Variants in BLTP1 observed in about 807,000 individuals in gnomAD.
BLTP1 encodes fragile site-associated protein.
At chr4:122,253,487 T>TG in the BLTP1 span, among the ~76,000 whole-genome samples, 1 of 152,164 alleles carries the variant, frequency 6.6e-6, no homozygotes, top group South Asian at 2.1e-4. Flanking sequence ...ATTCTAGAGT[T>TG]GAAAAATCCA....
At chr4:122,271,009 C>A in the BLTP1 span, 1 of 1,553,792 alleles carries the variant, frequency 6.4e-7, no homozygotes, top group Non-Finnish European at 8.7e-7. Context: ...TTTTATTTCA[C>A]GTTTTTAGGC....
the BLTP1 span, chr4:122,223,206 A>T: frequency 1.4e-4 from 134 of 939,650 alleles, no homozygotes; most frequent in Non-Finnish European, 1.6e-4. Context: ...GAATTTTTTT[A>T]AAAAAAGTTT....
chr4:122,349,115 C>T, the BLTP1 span: 3 of 1,493,864 alleles, frequency 2.0e-6, no homozygotes, highest in Non-Finnish European at 2.7e-6. This position sits in a 1 kb window ranked among gnomAD's most constrained non-coding sequence, Gnocchi z 4.5. Context: ...TAATTCATGA[C>T]ACTGGAAGCT....
chr4:122,254,374 T>A, the BLTP1 span: 1 of 1,496,710 alleles, frequency 6.7e-7, no homozygotes, highest in Non-Finnish European at 9.3e-7. Flanking sequence ...TATAGTAGTA[T>A]CGCTTGATGT....
chr4:122,191,661 A>G, the BLTP1 span, among the ~76,000 whole-genome samples: 1 of 152,170 alleles, frequency 6.6e-6, no homozygotes. Flanking sequence ...AACCTTTAAG[A>G]AATTTCCATT....
At chr4:122,214,490 T>C in the BLTP1 span, 1 of 938,348 alleles carries the variant, frequency 1.1e-6, no homozygotes, top group Non-Finnish European at 1.3e-6. Flanking sequence ...GTTTTATTTG[T>C]ATTTGTAAAT....
the BLTP1 span, among the ~76,000 whole-genome samples, chr4:122,160,513 T>C: frequency 6.6e-6 from 1 of 152,220 alleles, no homozygotes; most frequent in African/African-American, 2.4e-5. Flanking sequence ...AGGTATTCAA[T>C]TGCAGTAGAC....
chr4:122,227,343 G>A, the BLTP1 span: 1 of 985,632 alleles, frequency 1.0e-6, no homozygotes. Context: ...TCTTCACAAG[G>A]GTTGCAAAAA....
the BLTP1 span, chr4:122,289,271 T>G: frequency 9.8e-7 from 1 of 1,017,884 alleles, no homozygotes; most frequent in South Asian, 1.9e-5. Flanking sequence ...ATATCTGTGG[T>G]ATAAGTATTG....
chr4:122,305,622 G>T, the BLTP1 span: 1 of 967,574 alleles, frequency 1.0e-6, no homozygotes, highest in Non-Finnish European at 1.2e-6. Context: ...TTAATACATT[G>T]CCATTTAGAA....
the BLTP1 span, among the ~76,000 whole-genome samples, chr4:122,245,310 T>A: frequency 6.6e-6 from 1 of 152,168 alleles, no homozygotes; most frequent in Non-Finnish European, 1.5e-5. Context: ...AACTGTACTA[T>A]AGATGGAATA....
chr4:122,154,528 C>G, the BLTP1 span: 7 of 965,640 alleles, frequency 7.2e-6, no homozygotes, highest in Non-Finnish European at 8.6e-6. Context: ...ATTCTGTTCT[C>G]TCTTTTGCTT....
At chr4:122,339,692 T>C in the BLTP1 span, among the ~76,000 whole-genome samples, 7 of 152,162 alleles carry the variant, frequency 4.6e-5, no homozygotes, top group African/African-American at 1.7e-4. Flanking sequence ...ACATAACTAC[T>C]ATATAATAAT....
chr4:122,167,403 G>T, the BLTP1 span, among the ~76,000 whole-genome samples: 3 of 152,072 alleles, frequency 2.0e-5, no homozygotes, highest in Non-Finnish European at 4.4e-5. Context: ...CTCCTGCATG[G>T]AAACCCTACT....
chr4:122,161,731 T>C, the BLTP1 span, among the ~76,000 whole-genome samples: 4 of 152,176 alleles, frequency 2.6e-5, no homozygotes, highest in East Asian at 7.7e-4. Flanking sequence ...AACCAGAGAA[T>C]CAAATTTTCT....
the BLTP1 span, chr4:122,316,521 A>G: frequency 1.8e-6 from 1 of 569,916 alleles, no homozygotes; most frequent in Admixed American, 2.3e-5. Flanking sequence ...CCCATTTGAA[A>G]GCATGCAGAG....
At chr4:122,276,538 GC>G in the BLTP1 span, 3 of 984,968 alleles carry the variant, frequency 3.0e-6, no homozygotes, top group Non-Finnish European at 3.6e-6. Context: ...ATAGATGAAT[GC>G]TGTTCACATC....
At chr4:122,296,198 G>A in the BLTP1 span, among the ~76,000 whole-genome samples, 2 of 152,198 alleles carry the variant, frequency 1.3e-5, no homozygotes, top group African/African-American at 4.8e-5. Context: ...CAGCCCAAAA[G>A]CTTCTTAAGC....
chr4:122,351,414 A>G, the BLTP1 span: 3 of 167,660 alleles, frequency 1.8e-5, no homozygotes, highest in African/African-American at 7.2e-5. Flanking sequence ...TAGGTCAACA[A>G]TCTCCAACTT....
Sources: gnomAD v4.1 joint callset for allele counts (sites outside exome capture counted in the v4.1 genomes callset) on GRCh38, gnomAD v4.1.1 for gene constraint, Gnocchi (gnomAD v3.1) non-coding constraint, MANE v1.5 for transcripts, NCBI Gene and HGNC (gene_info 2026-07-23, HGNC 2026-07-21) for gene names.